The following PXDNL variants were observed in gnomAD, a reference collection of about 807,000 sequenced individuals.
The protein encoded by PXDNL is probable oxidoreductase PXDNL.
PXDNL carries 145 observed loss-of-function variants against 150.8 expected under a neutral mutation model. The observed-to-expected ratio is 0.96, with a 90% CI of 0.84 to 1.10. The LOEUF (loss-of-function observed/expected upper bound fraction) is 1.10, where lower values mean the gene tolerates loss of function less well. PXDNL is among the 50% of genes least tolerant of loss of function. The probability of loss-of-function intolerance (pLI) is 0.00; values close to 1 mark genes in which losing one functional copy is unlikely to be tolerated. For missense variants in PXDNL, 2,087 were observed against 1,873.9 expected (o/e 1.11, Z -2.10); for synonymous variants, 757 against 725.7 (o/e 1.04, Z -0.69).
At chr8:51,486,781 TA>T (rs1563433521) in intron 5 of PXDNL, among the ~76,000 whole-genome samples, 543 of 21,736 alleles carry the variant, frequency 0.025, 24 homozygotes, top group East Asian at 0.044. Context: ...TATATATATA[TA>T]TATATATATA....
At chr8:51,675,197 A>C (rs1815587171) in intron 1 of PXDNL, among the ~76,000 whole-genome samples, 1 of 152,130 alleles carries the variant, frequency 6.6e-6, no homozygotes, top group African/African-American at 2.4e-5. Context: ...CTCCCCTCCA[A>C]AATTCAGATG....
intron 1 of PXDNL, among the ~76,000 whole-genome samples, chr8:51,671,791 T>A (rs1165561481): frequency 1.3e-5 from 2 of 152,100 alleles, no homozygotes; most frequent in Non-Finnish European, 2.9e-5. Flanking sequence ...TCATCACGTG[T>A]CAGAACACTG....
intron 2 of PXDNL, among the ~76,000 whole-genome samples, chr8:51,635,255 T>C (rs913840643): frequency 6.6e-6 from 1 of 152,068 alleles, no homozygotes; most frequent in Non-Finnish European, 1.5e-5. Flanking sequence ...TTTATAACTG[T>C]AAAGGCCTAC....
chr8:51,432,102 G>C (rs75397574), intron 12 of PXDNL, among the ~76,000 whole-genome samples: 4,072 of 152,164 alleles, frequency 0.027, 79 homozygotes, highest in Non-Finnish European at 0.039. Context: ...TATTGAAAAA[G>C]AGTTAAATGT....
intron 17 of PXDNL, among the ~76,000 whole-genome samples, chr8:51,376,400 T>C (rs2130795449): frequency 6.6e-6 from 1 of 152,350 alleles, no homozygotes; most frequent in Non-Finnish European, 1.5e-5. Flanking sequence ...ACTTTTTAGA[T>C]TTCCAAGTGC....
intron 11 of PXDNL, 105 bp from the exon 12 acceptor site, chr8:51,447,267 T>A: frequency 8.2e-7 from 1 of 1,220,812 alleles, no homozygotes. Context: ...CAGGAAATTC[T>A]CGGTGCTAGG....
chr8:51,507,635 T>TAGAG (rs1374984762), intron 4 of PXDNL, among the ~76,000 whole-genome samples: 2 of 152,230 alleles, frequency 1.3e-5, no homozygotes, highest in Non-Finnish European at 2.9e-5. Flanking sequence ...GGAAGTTAGC[T>TAGAG]AGAGAGAGAC....
chr8:51,778,093 T>C (rs1176482043), intron 1 of PXDNL, among the ~76,000 whole-genome samples: 2 of 152,030 alleles, frequency 1.3e-5, no homozygotes, highest in African/African-American at 4.8e-5. Flanking sequence ...TCCCAGCACT[T>C]TGGAAAGCAG....
At chr8:51,719,354 C>T (rs1028533353) in intron 1 of PXDNL, among the ~76,000 whole-genome samples, 11 of 152,192 alleles carry the variant, frequency 7.2e-5, no homozygotes, top group Non-Finnish European at 1.2e-4. Context: ...CAACCTGGTG[C>T]TCTCTAAAAC....
intron 5 of PXDNL, among the ~76,000 whole-genome samples, chr8:51,486,753 TATA>T (rs1810747802): frequency 6.9e-4 from 15 of 21,812 alleles, no homozygotes; most frequent in East Asian, 2.9e-3. Context: ...AAAAAGTTTA[TATA>T]TATATATATA....
chr8:51,665,513 G>C (rs1246452370), intron 1 of PXDNL, among the ~76,000 whole-genome samples: 2 of 152,080 alleles, frequency 1.3e-5, no homozygotes, highest in East Asian at 1.9e-4. Flanking sequence ...CCCAACACAG[G>C]CAAACTGCGA....
At chr8:51,676,345 C>T (rs534858138) in intron 1 of PXDNL, among the ~76,000 whole-genome samples, 13 of 151,976 alleles carry the variant, frequency 8.6e-5, no homozygotes, top group South Asian at 2.1e-4. Context: ...AGCATGATTT[C>T]GGCTCACCAC....
At chr8:51,562,838 C>CA (rs1443954645) in intron 3 of PXDNL, among the ~76,000 whole-genome samples, 3 of 151,910 alleles carry the variant, frequency 2.0e-5, no homozygotes, top group Non-Finnish European at 2.9e-5. Flanking sequence ...ACTAACCTGA[C>CA]AAATCACTGA....
chr8:51,602,715 T>C (rs77363984), intron 2 of PXDNL, among the ~76,000 whole-genome samples: 5,982 of 151,764 alleles, frequency 0.039, 186 homozygotes, highest in East Asian at 0.18. Context: ...TTTGTATCTT[T>C]TCTTTATCAA....
At chr8:51,391,473 T>C (rs1330385193) in intron 17 of PXDNL, among the ~76,000 whole-genome samples, 1 of 152,248 alleles carries the variant, frequency 6.6e-6, no homozygotes, top group Non-Finnish European at 1.5e-5. Flanking sequence ...GGTTTTGATT[T>C]GCATTTCTCT....
chr8:51,393,511 T>C (rs1458467880), intron 17 of PXDNL, among the ~76,000 whole-genome samples: 1 of 152,242 alleles, frequency 6.6e-6, no homozygotes, highest in East Asian at 1.9e-4. Flanking sequence ...TCTCCTTCTA[T>C]GCTAAAGCTG....
rs768707574 is a variant in PXDNL, at chr8:51,345,925, G to C, written c.3924C>G (p.Phe1308Leu). Reference protein sequence around the residue: ...CCADCRSRGQFRAVTQESQKK... With the variant: ...CCADCRSRGQLRAVTQESQKK... ...TTTGAGACTCTTGCGTCACTGCTCT[G>C]AACTGTCCTCTACTCCTACAGTCTG... The change falls in exon 20 of 23, where the codon TTC becomes TTG. Residue 1308 changes from phenylalanine to leucine, a missense_variant. Phe to Leu is a conservative substitution (Grantham distance 22, BLOSUM62 0). Coordinates refer to ENST00000356297, the MANE Select transcript of PXDNL (RefSeq NM_144651.5). The C allele has an allele frequency of 1.1e-5, 17 of 1,612,678 alleles. No homozygotes were observed. In the South Asian group the frequency reaches 1.3e-4, roughly 13 times the overall value.
intron 1 of PXDNL, chr8:51,722,084 G>A (rs1158090999): frequency 4.0e-5 from 7 of 176,380 alleles, no homozygotes; most frequent in East Asian, 1.6e-4. Flanking sequence ...TCTTCCTTCC[G>A]CAAGCAGTTG....
intron 19 of PXDNL, among the ~76,000 whole-genome samples, chr8:51,347,893 A>G (rs1806210120): frequency 6.6e-6 from 1 of 151,894 alleles, no homozygotes; most frequent in African/African-American, 2.4e-5. Flanking sequence ...AAATATTTGC[A>G]GCTCTGAGTA....
Sources: allele counts gnomAD v4.1 joint callset (sites outside exome capture counted in the v4.1 genomes callset), GRCh38; gene constraint gnomAD v4.1.1; transcripts MANE v1.5; gene names NCBI Gene and HGNC (gene_info 2026-07-23, HGNC 2026-07-21).